Variants in TMEM132D observed in about 807,000 individuals in gnomAD.
TMEM132D encodes transmembrane protein 132D.
Under a neutral mutation model 62.3 loss-of-function variants are expected in TMEM132D, and 21 were observed. The ratio of observed to expected loss-of-function variants is 0.34; its 90% CI spans 0.24 to 0.49. The LOEUF is 0.49. TMEM132D is among the 20% of genes least tolerant of loss of function. The pLI, the probability that TMEM132D is intolerant of heterozygous loss-of-function variation, is 0.99. For missense variants in TMEM132D, 1,346 were observed against 1,402.8 expected, an observed-to-expected ratio of 0.96 and a Z score of 0.65; for synonymous variants, 621 against 575.6, an observed-to-expected ratio of 1.08 and a Z score of -1.13.
chr12:129,770,017 G>C (rs894465860), intron 1 of TMEM132D, among the ~76,000 whole-genome samples: 19 of 151,660 alleles, frequency 1.3e-4, no homozygotes, highest in African/African-American at 4.1e-4. Flanking sequence ...TGGGGGTCTT[G>C]ATTTGTTGCT....
intron 5 of TMEM132D, among the ~76,000 whole-genome samples, chr12:129,101,998 TTC>T (rs1555229855): frequency 0.012 from 1,789 of 149,292 alleles, 50 homozygotes; most frequent in African/African-American, 0.039. Context: ...TTTTTTTTTT[TTC>T]TCTCTCTCTC....
In TMEM132D at chr12:129,073,724, G is replaced by T; in HGVS notation, c.*151C>A. 1.5e-6 allele frequency: 1 copy of T among 666,802 alleles called. No homozygotes were observed. The highest frequency in any genetic ancestry group is 2.5e-6 in the Non-Finnish European group (1 of 407,722). 41.3% of individuals were successfully genotyped at this position (666,802 alleles called of 1,614,324 possible). A position where few individuals can be genotyped will look rare whatever the true frequency, so the allele number is the denominator to read the frequency against. On this transcript the variant is annotated 3_prime_UTR_variant, in exon 9 of 9. Coordinates refer to ENST00000422113, the MANE Select transcript of TMEM132D (RefSeq NM_133448.3). ...GTCGATGCGGACTCCAGGCCTCGCC[G>T]CCGAGCCGGGGTCATTGGCTGAGGC... is the stretch of plus-strand genomic sequence containing the variant.
chr12:129,880,104 T>C (rs1162628737), intron 1 of TMEM132D, among the ~76,000 whole-genome samples: 1 of 151,124 alleles, frequency 6.6e-6, no homozygotes, highest in Non-Finnish European at 1.5e-5. Flanking sequence ...AAAGAGAAAA[T>C]GTTGAGGGCA....
intron 2 of TMEM132D, among the ~76,000 whole-genome samples, chr12:129,570,592 T>C (rs899280544): frequency 6.6e-6 from 1 of 152,190 alleles, no homozygotes; most frequent in Non-Finnish European, 1.5e-5. Context: ...CAAATGTAAC[T>C]GCCACAGGCA....
intron 3 of TMEM132D, among the ~76,000 whole-genome samples, chr12:129,370,201 G>A (rs1003141676): frequency 1.3e-5 from 2 of 152,176 alleles, no homozygotes; most frequent in African/African-American, 2.4e-5. Context: ...AAACAAACAA[G>A]CCTTCACACA....
At chr12:129,242,894 C>G (rs1879973497) in intron 4 of TMEM132D, among the ~76,000 whole-genome samples, 1 of 151,910 alleles carries the variant, frequency 6.6e-6, no homozygotes, top group African/African-American at 2.4e-5. Context: ...GTGAATAAAA[C>G]AACAGGCTTG....
intron 8 of TMEM132D, among the ~76,000 whole-genome samples, chr12:129,077,915 A>G (rs1874330324): frequency 6.6e-6 from 1 of 150,990 alleles, no homozygotes; most frequent in Non-Finnish European, 1.5e-5. Flanking sequence ...CACAACACAT[A>G]GACACACAAC....
intron 3 of TMEM132D, among the ~76,000 whole-genome samples, chr12:129,501,696 G>A (rs1020439356): frequency 7.2e-5 from 11 of 151,870 alleles, no homozygotes; most frequent in Non-Finnish European, 1.2e-4. Flanking sequence ...TGTAGAGATG[G>A]GGTTTTACCA....
At chr12:129,649,880 G>A (rs1396871086) in intron 2 of TMEM132D, among the ~76,000 whole-genome samples, 1 of 150,018 alleles carries the variant, frequency 6.7e-6, no homozygotes, top group Non-Finnish European at 1.5e-5. Context: ...GTGTGCATGT[G>A]TGTATATGTG....
chr12:129,782,290 G>GT (rs1871141785), intron 1 of TMEM132D, among the ~76,000 whole-genome samples: 1 of 152,180 alleles, frequency 6.6e-6, no homozygotes, highest in Admixed American at 6.5e-5. Flanking sequence ...ACGGATTTCA[G>GT]TTTTTCGGAT....
chr12:129,772,138 T>C (rs1204748573), intron 1 of TMEM132D, among the ~76,000 whole-genome samples: 9 of 152,144 alleles, frequency 5.9e-5, no homozygotes, highest in Admixed American at 5.2e-4. Context: ...ATTGTAAAAC[T>C]CCCTTTGTGT....
chr12:129,507,029 A>G (rs1268654846), intron 3 of TMEM132D, among the ~76,000 whole-genome samples: 2 of 152,188 alleles, frequency 1.3e-5, no homozygotes, highest in East Asian at 1.9e-4. Flanking sequence ...AAACAATCCC[A>G]TCAAAAAGTG....
intron 4 of TMEM132D, among the ~76,000 whole-genome samples, chr12:129,336,655 C>G (rs985851789): frequency 2.0e-5 from 3 of 151,984 alleles, no homozygotes; most frequent in Admixed American, 1.3e-4. Flanking sequence ...TGTTGAAGGA[C>G]AGAGAGAGGG....
In TMEM132D at chr12:129,374,581, C is replaced by T. The variant is rs568136971; in HGVS notation, c.1116-36764G>A. 5.3e-5 allele frequency among the ~76,000 whole-genome samples: 8 copies of T among 152,150 alleles called. No homozygotes were observed. In the East Asian group the frequency reaches 7.8e-4, roughly 15 times the overall value. On this transcript the variant is annotated intron_variant, in intron 3 of 8. Transcript: ENST00000422113. ...AGGGAGCAGGTGGAGGAAAGAACCA[C>T]GGCATAGATGTTCAGCCTTGTTTTC...
chr12:129,571,749 C>A (rs1877519841), intron 2 of TMEM132D, among the ~76,000 whole-genome samples: 1 of 152,056 alleles, frequency 6.6e-6, no homozygotes, highest in South Asian at 2.1e-4. Context: ...AAATTGACCC[C>A]ATTTTTGATC....
At chr12:129,758,344 A>C (rs1870239275) in intron 1 of TMEM132D, among the ~76,000 whole-genome samples, 1 of 152,078 alleles carries the variant, frequency 6.6e-6, no homozygotes, top group Non-Finnish European at 1.5e-5. Context: ...TTATGATTCC[A>C]CTTAAGTGTA....
At chr12:129,263,027 T>C (rs78151235) in intron 4 of TMEM132D, among the ~76,000 whole-genome samples, 13,254 of 152,158 alleles carry the variant, frequency 0.087, 731 homozygotes, top group Admixed American at 0.18. Flanking sequence ...AAGTCGCGTC[T>C]GAGAACGTAT....
chr12:129,150,918 C>A (rs1273390555), intron 5 of TMEM132D, among the ~76,000 whole-genome samples: 1 of 152,198 alleles, frequency 6.6e-6, no homozygotes, highest in Non-Finnish European at 1.5e-5. Context: ...CCCCAGAGTG[C>A]CAGCTGGTGT....
At chr12:129,708,724 A>G (rs1227074536) in intron 1 of TMEM132D, among the ~76,000 whole-genome samples, 1 of 151,500 alleles carries the variant, frequency 6.6e-6, no homozygotes, top group Non-Finnish European at 1.5e-5. Context: ...TTAGTCCCCA[A>G]TATTCCAGAG....
Sources: gnomAD v4.1 joint callset for allele counts (sites outside exome capture counted in the v4.1 genomes callset) on GRCh38, gnomAD v4.1.1 for gene constraint, MANE v1.5 for transcripts, NCBI Gene and HGNC (gene_info 2026-07-23, HGNC 2026-07-21) for gene names.